ABCA4: variants seen among roughly 807,000 people sequenced by gnomAD.
ABCA4 encodes retinal-specific phospholipid-transporting ATPase ABCA4.
A neutral mutation model predicts 263.7 loss-of-function variants in ABCA4; 196 were observed. The observed-to-expected ratio is 0.74, with a 90% confidence interval of 0.66 to 0.84. The LOEUF (loss-of-function observed/expected upper bound fraction) is 0.84. ABCA4 is among the 40% of genes least tolerant of loss of function. The pLI is 0.00. For missense variants in ABCA4, 2,792 were observed against 2,855.1 expected (o/e 0.98, Z 0.50); for synonymous variants, 1,133 against 1,094.2 (o/e 1.04, Z -0.70).
At chr1:94,044,916 C>T (rs1040037053) in intron 19 of ABCA4, among the ~76,000 whole-genome samples, 172 bp from the exon 20 acceptor site, 4 of 152,218 alleles carry the variant, frequency 2.6e-5, no homozygotes, top group African/African-American at 9.7e-5. Flanking sequence ...TGTATACATC[C>T]AGGCCCTAAT....
intron 22 of ABCA4, among the ~76,000 whole-genome samples, chr1:94,041,633 A>G (rs1294844770): frequency 6.6e-6 from 1 of 152,238 alleles, no homozygotes; most frequent in Non-Finnish European, 1.5e-5. Context: ...GTGTCTCTGT[A>G]TCCAGCATAG....
intron 36 of ABCA4, chr1:94,018,624 C>T (rs2101019250): frequency 2.2e-6 from 1 of 455,616 alleles, no homozygotes; most frequent in East Asian, 7.0e-5. Context: ...TGGTCTCCAT[C>T]AGTTGGTATA....
chr1:94,018,774 T>A (rs1209323614), intron 36 of ABCA4, among the ~76,000 whole-genome samples: 1 of 152,130 alleles, frequency 6.6e-6, no homozygotes, highest in Non-Finnish European at 1.5e-5. Context: ...ACCAATTCCT[T>A]TGACCCTGCA....
intron 11 of ABCA4, among the ~76,000 whole-genome samples, chr1:94,067,463 A>G (rs986843722): frequency 1.3e-5 from 2 of 152,186 alleles, no homozygotes; most frequent in Non-Finnish European, 2.9e-5. Context: ...ATACCTTGAT[A>G]ATCTCTGGGG....
rs757545714 is a variant in ABCA4, at chr1:94,014,642, G to A, written c.5361C>T (p.Val1787=). The A allele has an allele frequency of 1.2e-6, 2 of 1,614,088 alleles. No homozygotes were observed. Among genetic ancestry groups the A allele is most frequent in the African/African-American group, 2.7e-5 (2 of 74,928 alleles). Residue 1787 remains valine, a synonymous_variant, in exon 38 of 50, where the codon GTC becomes GTT. Transcript: ENST00000370225. ...ATAAAGCCACATAGGCTGTGCTGGG[G>A]ACATCAAACAGGAAGGATGCTGGGT... ...MMYPASFLFD[V]PSTAYVALSC...
At chr1:94,024,514 C>T (rs1206823444) in intron 31 of ABCA4, among the ~76,000 whole-genome samples, 1 of 152,186 alleles carries the variant, frequency 6.6e-6, no homozygotes, top group Non-Finnish European at 1.5e-5. Flanking sequence ...GCCTCTTTCC[C>T]ACCCTATCTT....
intron 36 of ABCA4, among the ~76,000 whole-genome samples, chr1:94,017,485 A>G (rs1292159161): frequency 6.6e-6 from 1 of 152,190 alleles, no homozygotes; most frequent in African/African-American, 2.4e-5. Flanking sequence ...AGACTGTGGA[A>G]CTCTTCCAGG....
Position 94,062,558 on chromosome 1 carries a change from T to A in ABCA4, c.1937+19A>T. 6.2e-7 allele frequency: 1 copy of A among 1,611,830 alleles called. No homozygotes were observed. The highest frequency in any genetic ancestry group is 8.5e-7 in the Non-Finnish European group (1 of 1,178,750). ...CCCATTAGCGTGTCATGGAGGAGGA[T>A]CGCGAACTTCAGACTCACGAATCGT... On this transcript the variant is annotated intron_variant, in intron 13 of 49. Coordinates refer to ENST00000370225, the MANE Select transcript of ABCA4 (RefSeq NM_000350.3).
chr1:94,062,200 C>T (rs1661145611), intron 13 of ABCA4, among the ~76,000 whole-genome samples: 3 of 152,120 alleles, frequency 2.0e-5, no homozygotes, highest in South Asian at 4.1e-4. Context: ...CATACAGAGT[C>T]CAAAATGAAT....
chr1:94,016,363 G>A (rs1293231267), intron 36 of ABCA4, among the ~76,000 whole-genome samples: 1 of 152,164 alleles, frequency 6.6e-6, no homozygotes, highest in Non-Finnish European at 1.5e-5. Context: ...TTCCTCAGGG[G>A]GCAACCTGCC....
intron 28 of ABCA4, 26 bp downstream of exon 28, chr1:94,030,970 A>T: frequency 6.2e-7 from 1 of 1,613,762 alleles, no homozygotes; most frequent in South Asian, 1.1e-5. Context: ...CCCACAGAGG[A>T]GAATGGTGAC....
chr1:94,066,759 G>T (rs1661279278), intron 11 of ABCA4, among the ~76,000 whole-genome samples: 1 of 152,346 alleles, frequency 6.6e-6, no homozygotes, highest in Admixed American at 6.5e-5. Context: ...ACAAGCGGGG[G>T]TGTAACATCC....
intron 21 of ABCA4, 45 bp from the exon 22 acceptor site, chr1:94,042,943 T>C: frequency 6.2e-7 from 1 of 1,612,636 alleles, no homozygotes; most frequent in Non-Finnish European, 8.5e-7. Flanking sequence ...CTGTGGAGGG[T>C]GAGGAAGAGA....
At chr1:94,063,649 G>A (rs1288911925) in intron 11 of ABCA4, among the ~76,000 whole-genome samples, 1 of 152,184 alleles carries the variant, frequency 6.6e-6, no homozygotes, top group African/African-American at 2.4e-5. Flanking sequence ...CCAGCATGGG[G>A]AGGCGAGGGA....
At chr1:93,996,573 C>T (rs1659009896) in intron 48 of ABCA4, among the ~76,000 whole-genome samples, 1 of 152,198 alleles carries the variant, frequency 6.6e-6, no homozygotes, top group African/African-American at 2.4e-5. Flanking sequence ...CTGCTCGTGC[C>T]TCCCTCTGCT....
At chr1:94,021,556 T>C (rs1330587818) in intron 34 of ABCA4, 84 bp downstream of exon 34, 52 of 1,507,268 alleles carry the variant, frequency 3.4e-5, no homozygotes, top group Non-Finnish European at 4.5e-5. Context: ...GGGATGGAAT[T>C]TAATGAAGGT....
At chr1:94,058,655 C>T (rs1183085928) in intron 14 of ABCA4, among the ~76,000 whole-genome samples, 1 of 152,228 alleles carries the variant, frequency 6.6e-6, no homozygotes, top group Non-Finnish European at 1.5e-5. Flanking sequence ...AGCCACCACG[C>T]CCAGCCTGAA....
intron 38 of ABCA4, among the ~76,000 whole-genome samples, chr1:94,012,813 G>A (rs1281461719): frequency 3.3e-5 from 5 of 150,830 alleles, no homozygotes; most frequent in Admixed American, 2.0e-4. Context: ...CGACTGGAAC[G>A]GGAGCCTCTG....
intron 10 of ABCA4, among the ~76,000 whole-genome samples, chr1:94,078,254 C>T (rs1406146230): frequency 1.3e-5 from 2 of 152,218 alleles, no homozygotes; most frequent in Non-Finnish European, 2.9e-5. Context: ...AAACACATTC[C>T]ACCATCTTTG....
Sources: gnomAD v4.1 joint callset for allele counts (sites outside exome capture counted in the v4.1 genomes callset) on GRCh38, gnomAD v4.1.1 for gene constraint, MANE v1.5 for transcripts, NCBI Gene and HGNC (gene_info 2026-07-23, HGNC 2026-07-21) for gene names.